Variants in FAM227A observed in about 807,000 individuals in gnomAD.
FAM227A encodes the protein protein FAM227A.
Under a neutral mutation model 74.7 loss-of-function variants are expected in FAM227A, and 80 were observed. That is an observed-to-expected ratio of 1.07 (90% CI 0.89 to 1.29). The LOEUF (loss-of-function observed/expected upper bound fraction) is 1.29, where lower values mean the gene tolerates loss of function less well. Among genes scored for constraint, FAM227A ranks in the 50% most tolerant of loss-of-function variants. FAM227A has a pLI of 0.00. For synonymous variants in FAM227A, 237 were observed against 241.8 expected (o/e 0.98, Z 0.19); for missense variants, 654 against 683.4 (o/e 0.96, Z 0.48).
At chr22:38,648,934 T>C (rs186847851) in intron 2 of FAM227A, among the ~76,000 whole-genome samples, 6 of 150,102 alleles carry the variant, frequency 4.0e-5, no homozygotes, top group African/African-American at 1.2e-4. Context: ...TCTATGCCAC[T>C]GCACTCCAGC....
Position 38,582,932 on chromosome 22 carries a change from G to A in FAM227A, c.*3193C>T, listed in dbSNP as rs1209410518. The A allele has an allele frequency of 6.5e-7, 1 of 1,550,364 alleles. No homozygotes were observed. The highest frequency in any genetic ancestry group is 8.7e-7 in the Non-Finnish European group (1 of 1,146,980). The stretch of plus-strand genomic sequence containing the variant: ...TAAGCGGGGTCCTGGAGGAAGAGCA[G>A]GAATTAGTGATGTTGGCAGTTAACA... On this transcript the variant is annotated 3_prime_UTR_variant, in exon 17 of 17. Transcript: ENST00000535113.
Position 38,579,928 on chromosome 22 carries a change from T to C in FAM227A, c.*6197A>G, listed in dbSNP as rs1408839118. ...TGTAATTGATTGATGTCTTTTTTTT[T>C]TCTTTTTAGAGATGTGGTCTCATTC... On this transcript the variant is annotated 3_prime_UTR_variant, in exon 17 of 17. Coordinates refer to ENST00000535113, the MANE Select transcript of FAM227A (RefSeq NM_001013647.2). 1 of 152,140 alleles carries C rather than the reference T, an allele frequency of 6.6e-6. No individual in the cohort carries two copies. The highest frequency in any genetic ancestry group is 2.4e-5 in the African/African-American group (1 of 41,444). The allele number at this position is 152,140 out of a possible 1,614,324, so 9.4% of individuals were successfully genotyped here.
Position 38,593,118 on chromosome 22 carries a change from C to T in FAM227A, c.1533-1578G>A, listed in dbSNP as rs569089135. Among the ~76,000 whole-genome samples the T allele has an allele frequency of 2.7e-4, 41 of 152,354 alleles. 1 individual carries two copies. The highest frequency in any genetic ancestry group is 7.2e-4 in the Admixed American group (11 of 15,298). On this transcript the variant is annotated intron_variant, in intron 15 of 16. Coordinates refer to ENST00000535113, the MANE Select transcript of FAM227A (RefSeq NM_001013647.2). ...TGGATCCCGCCATCAAGGCTTGTTACGACTATTGGGAGAGACAGATATGAG... is the reference window on the plus strand; with the variant it reads ...TGGATCCCGCCATCAAGGCTTGTTATGACTATTGGGAGAGACAGATATGAG...
intron 11 of FAM227A, among the ~76,000 whole-genome samples, chr22:38,613,863 C>A (rs535503941): frequency 6.7e-4 from 102 of 152,190 alleles, no homozygotes; most frequent in African/African-American, 2.5e-3. Flanking sequence ...TGAAATGACT[C>A]ATCTGAGAGC....
intron 6 of FAM227A, among the ~76,000 whole-genome samples, chr22:38,633,830 G>A (rs1421554304): frequency 6.6e-6 from 1 of 152,134 alleles, no homozygotes; most frequent in Non-Finnish European, 1.5e-5. Context: ...GTAAGCCACT[G>A]TGCCCGGCCT....
chr22:38,613,146 T>TAATA (rs1491528157), intron 11 of FAM227A, among the ~76,000 whole-genome samples: 1 of 90,120 alleles, frequency 1.1e-5, no homozygotes, highest in African/African-American at 4.7e-5. Context: ...AATATATATA[T>TAATA]TATATATTAT....
intron 15 of FAM227A, among the ~76,000 whole-genome samples, chr22:38,594,773 C>A (rs919777503): frequency 1.3e-5 from 2 of 151,662 alleles, no homozygotes; most frequent in Non-Finnish European, 2.9e-5. Flanking sequence ...CCATCCTGGC[C>A]AACATGGTGA....
intron 12 of FAM227A, among the ~76,000 whole-genome samples, chr22:38,606,861 C>T (rs773840598): frequency 3.0e-4 from 46 of 152,126 alleles, no homozygotes; most frequent in Non-Finnish European, 5.1e-4. Flanking sequence ...CTGTGCTGAC[C>T]TCATCACCAC....
intron 10 of FAM227A, among the ~76,000 whole-genome samples, chr22:38,622,492 G>A (rs891970302): frequency 1.3e-4 from 20 of 152,168 alleles, no homozygotes; most frequent in African/African-American, 4.8e-4. Flanking sequence ...TAGAAAAGCT[G>A]ACCTTGGACA....
chr22:38,589,184 G>A (rs888730138), intron 16 of FAM227A, among the ~76,000 whole-genome samples: 2 of 152,134 alleles, frequency 1.3e-5, no homozygotes, highest in Admixed American at 1.3e-4. Flanking sequence ...GCAGAGATTG[G>A]AGTGAGGCCT....
chr22:38,628,397 G>A, intron 7 of FAM227A, 55 bp from the exon 8 acceptor site: 1 of 1,076,472 alleles, frequency 9.3e-7, no homozygotes, highest in Non-Finnish European at 1.4e-6. Context: ...TGAAACAACT[G>A]AGGGGCTGGG....
At chr22:38,603,649 C>T (rs569945654) in intron 13 of FAM227A, among the ~76,000 whole-genome samples, 6 of 152,208 alleles carry the variant, frequency 3.9e-5, no homozygotes, top group East Asian at 1.9e-4. Context: ...GTTCCACATT[C>T]GGGCTGATGC....
chr22:38,646,644 CATTATT>C lies in FAM227A; in HGVS notation c.143-1005_143-1000del, dbSNP rs908779656. On this transcript the variant is annotated intron_variant, in intron 2 of 16. Transcript: ENST00000535113. ...TTACTACTCTGATTTCTCTTCCAGT[CATTATT>C]ATTATTATTTTTTTTTTTGAGATGG... Among the ~76,000 whole-genome samples, 16 of 151,716 alleles carry C rather than the reference CATTATT, an allele frequency of 1.1e-4. No homozygotes were observed. The East Asian group carries it at 2.3e-3, about 22-fold the overall frequency.
At position 38,582,943 on chromosome 22, in the gene FAM227A, T is replaced by G; in HGVS notation, c.*3182A>C. 6.4e-7 allele frequency: 1 copy of G among 1,550,422 alleles called. No individual in the cohort carries two copies. On this transcript the variant is annotated 3_prime_UTR_variant, in exon 17 of 17. Coordinates refer to ENST00000535113, the MANE Select transcript of FAM227A (RefSeq NM_001013647.2). ...CTGGAGGAAGAGCAGGAATTAGTGA[T>G]GTTGGCAGTTAACAAAGAGGAGGGA... is the stretch of plus-strand genomic sequence containing the variant.
intron 1 of FAM227A, among the ~76,000 whole-genome samples, chr22:38,655,692 A>G (rs2079574306): frequency 1.3e-5 from 2 of 152,120 alleles, no homozygotes; most frequent in Admixed American, 6.5e-5. Context: ...TCCAAATCAC[A>G]TATGTGGCCT....
At chr22:38,608,499 C>T (rs1050538622) in intron 11 of FAM227A, among the ~76,000 whole-genome samples, 25 of 151,862 alleles carry the variant, frequency 1.6e-4, no homozygotes, top group African/African-American at 5.1e-4. Context: ...GGCACGATCT[C>T]GGCTCACTGC....
intron 16 of FAM227A, among the ~76,000 whole-genome samples, chr22:38,586,973 T>C (rs1312270026): frequency 1.3e-5 from 2 of 152,114 alleles, no homozygotes; most frequent in African/African-American, 4.8e-5. Context: ...CCACTGTGCC[T>C]GGCCTACACT....
intron 9 of FAM227A, 134 bp from the exon 10 acceptor site, chr22:38,623,413 G>A (rs749593007): frequency 1.8e-5 from 10 of 569,096 alleles, no homozygotes; most frequent in Admixed American, 3.0e-5. Context: ...GTGGGACTCC[G>A]TCTCTATTTA....
intron 6 of FAM227A, among the ~76,000 whole-genome samples, chr22:38,629,346 T>C (rs755053675): frequency 1.3e-4 from 20 of 152,368 alleles, no homozygotes; most frequent in Non-Finnish European, 2.2e-4. Context: ...AAAGTTAAAA[T>C]GGAATTATCC....
Sources: allele counts gnomAD v4.1 joint callset (sites outside exome capture counted in the v4.1 genomes callset), GRCh38; gene constraint gnomAD v4.1.1; transcripts MANE v1.5; gene names NCBI Gene and HGNC (gene_info 2026-07-23, HGNC 2026-07-21).